The following PIAS1 variants were observed in gnomAD, a reference collection of about 807,000 sequenced individuals.
The protein encoded by PIAS1 is protein inhibitor of activated STAT 1, also known as E3 SUMO-protein ligase PIAS1.
In PIAS1, 6 loss-of-function variants were observed where a neutral mutation model predicts 71.3. That is an observed-to-expected ratio of 0.08 (90% CI 0.05 to 0.17). The LOEUF (loss-of-function observed/expected upper bound fraction) is 0.17, where lower values mean the gene tolerates loss of function less well. PIAS1 is among the 10% of genes least tolerant of loss of function. The probability of loss-of-function intolerance (pLI) is 1.00; values close to 1 mark genes in which losing one functional copy is unlikely to be tolerated. For synonymous variants in PIAS1, 303 were observed against 292.9 expected (o/e 1.03, Z -0.35); for missense variants, 555 against 793.6 (o/e 0.70, Z 3.61).
chr15:68,116,604 C>G (rs988805136), intron 2 of PIAS1, among the ~76,000 whole-genome samples: 1 of 151,774 alleles, frequency 6.6e-6, no homozygotes, highest in Non-Finnish European at 1.5e-5. Flanking sequence ...TTATTATTTT[C>G]TTTCTCCTGA....
intron 2 of PIAS1, among the ~76,000 whole-genome samples, chr15:68,104,244 CGTT>C (rs2092451661): frequency 6.6e-6 from 1 of 152,130 alleles, no homozygotes; most frequent in African/African-American, 2.4e-5. Flanking sequence ...TTTATGCTAA[CGTT>C]GTTACATTTG....
At chr15:68,161,579 G>T (rs537336363) in intron 7 of PIAS1, among the ~76,000 whole-genome samples, 2 of 150,790 alleles carry the variant, frequency 1.3e-5, no homozygotes, top group East Asian at 3.9e-4. Context: ...TATATAAATC[G>T]TGTTTTATTT....
At chr15:68,105,168 T>C (rs2092458092) in intron 2 of PIAS1, among the ~76,000 whole-genome samples, 1 of 152,140 alleles carries the variant, frequency 6.6e-6, no homozygotes, top group South Asian at 2.1e-4. Flanking sequence ...GGTTTTCAGG[T>C]TCACTCAGGA....
At chr15:68,072,890 G>A (rs746510041) in intron 1 of PIAS1, among the ~76,000 whole-genome samples, 12 of 152,048 alleles carry the variant, frequency 7.9e-5, no homozygotes, top group Non-Finnish European at 1.6e-4. Context: ...ATAAACTTCA[G>A]TTTTGCCCTT....
At chr15:68,126,894 A>G (rs6494716) in intron 2 of PIAS1, among the ~76,000 whole-genome samples, 151,477 of 151,494 alleles carry the variant, frequency 1, 75,730 homozygotes, top group Non-Finnish European at 1. Context: ...TCTGATACTT[A>G]GTCGTGCTGG....
chr15:68,131,590 G>T (rs1050163994), intron 2 of PIAS1, among the ~76,000 whole-genome samples: 2 of 152,182 alleles, frequency 1.3e-5, no homozygotes, highest in South Asian at 4.1e-4. Context: ...GTGAGAGCAT[G>T]CAGTATTTGT....
At chr15:68,080,902 A>C (rs2092222675) in intron 1 of PIAS1, among the ~76,000 whole-genome samples, 1 of 152,240 alleles carries the variant, frequency 6.6e-6, no homozygotes, top group African/African-American at 2.4e-5. Context: ...AAACCACTGC[A>C]GTGGGATGTG....
chr15:68,169,548 C>CT (rs1053243498), intron 8 of PIAS1, among the ~76,000 whole-genome samples: 7 of 152,164 alleles, frequency 4.6e-5, no homozygotes, highest in Non-Finnish European at 1.0e-4. Flanking sequence ...TGGCACCTGC[C>CT]TGTAATCCCA....
Position 68,174,645 on chromosome 15 carries a change from C to T in PIAS1, c.1169+753C>T, listed in dbSNP as rs1439643633. Among the ~76,000 whole-genome samples the T allele has an allele frequency of 6.6e-6, 1 of 152,178 alleles. No individual in the cohort carries two copies. The highest frequency in any genetic ancestry group is 1.5e-5 in the Non-Finnish European group (1 of 68,022). On this transcript the variant is annotated intron_variant, in intron 9 of 13. Coordinates refer to ENST00000249636, the MANE Select transcript of PIAS1 (RefSeq NM_016166.3). This position sits in a 1 kb window ranked among gnomAD's most constrained non-coding sequence, Gnocchi z 4.0. ...TTGGCCTCCCAAAGTACTGAGATTACAGGCATGTGAGCCACCACACCCAGC... is the reference window on the plus strand; with the variant it reads ...TTGGCCTCCCAAAGTACTGAGATTATAGGCATGTGAGCCACCACACCCAGC...
chr15:68,110,596 C>T (rs564045916), intron 2 of PIAS1, among the ~76,000 whole-genome samples: 2 of 151,440 alleles, frequency 1.3e-5, no homozygotes, highest in African/African-American at 4.9e-5. Context: ...AACTTCTTCT[C>T]CAAAAAGAAA....
intron 2 of PIAS1, among the ~76,000 whole-genome samples, chr15:68,097,505 T>C (rs2092386443): frequency 6.6e-6 from 1 of 152,204 alleles, no homozygotes; most frequent in African/African-American, 2.4e-5. Flanking sequence ...TGATCTCAGT[T>C]CACTGCAACC....
chr15:68,153,717 C>T (rs1345555382), intron 7 of PIAS1, 22 bp downstream of exon 7: 1 of 1,159,112 alleles, frequency 8.6e-7, no homozygotes, highest in Non-Finnish European at 1.3e-6. Flanking sequence ...AAACTTATTT[C>T]ACTTATTCAG....
intron 10 of PIAS1, 73 bp from the exon 11 acceptor site, chr15:68,176,401 A>G: frequency 1.0e-6 from 1 of 969,624 alleles, no homozygotes; most frequent in Non-Finnish European, 1.5e-6. Flanking sequence ...TAACTGATAA[A>G]CTGTAGTGAC....
intron 1 of PIAS1, among the ~76,000 whole-genome samples, chr15:68,074,081 A>G (rs2092130392): frequency 6.6e-6 from 1 of 152,148 alleles, no homozygotes; most frequent in African/African-American, 2.4e-5. Context: ...TGTTGAGTTG[A>G]TGACTCTTGG....
At chr15:68,090,804 A>T (rs567642057) in intron 2 of PIAS1, among the ~76,000 whole-genome samples, 4 of 152,248 alleles carry the variant, frequency 2.6e-5, no homozygotes, top group Admixed American at 6.5e-5. Context: ...TTTAAAAAAA[A>T]TTTTCCCTAA....
At chr15:68,123,568 G>T (rs1006876430) in intron 2 of PIAS1, among the ~76,000 whole-genome samples, 4 of 152,016 alleles carry the variant, frequency 2.6e-5, no homozygotes, top group Non-Finnish European at 5.9e-5. Flanking sequence ...ACTAAAAAGT[G>T]CCTTATATAT....
At chr15:68,083,712 A>G (rs1313389910) in intron 1 of PIAS1, among the ~76,000 whole-genome samples, 1 of 152,028 alleles carries the variant, frequency 6.6e-6, no homozygotes, top group Non-Finnish European at 1.5e-5. Context: ...TCCCACCTGA[A>G]AAGTGAGAAC....
At chr15:68,119,237 CAAAAA>C (rs60879036) in intron 2 of PIAS1, among the ~76,000 whole-genome samples, 92 of 27,394 alleles carry the variant, frequency 3.4e-3, no homozygotes, top group South Asian at 0.016. Context: ...CCATCTCTAC[CAAAAA>C]AAAAAAAAAA....
intron 2 of PIAS1, among the ~76,000 whole-genome samples, chr15:68,095,950 A>G (rs1348267171): frequency 6.6e-6 from 1 of 152,202 alleles, no homozygotes; most frequent in South Asian, 2.1e-4. Context: ...TGAAATGTAA[A>G]TAAGCTTTAG....
Sources: allele counts gnomAD v4.1 joint callset (sites outside exome capture counted in the v4.1 genomes callset), GRCh38; gene constraint gnomAD v4.1.1; non-coding constraint Gnocchi (gnomAD v3.1); transcripts MANE v1.5; gene names NCBI Gene and HGNC (gene_info 2026-07-23, HGNC 2026-07-21).